Variants in PCSK5 observed in about 807,000 individuals in gnomAD.
PCSK5 encodes the protein proprotein convertase subtilisin/kexin type 5, also known as prohormone convertase 5.
A neutral mutation model predicts 233.2 loss-of-function variants in PCSK5; 129 were observed. The observed-to-expected ratio is 0.55, with a 90% CI of 0.48 to 0.64. The LOEUF is 0.64. PCSK5 is among the 30% of genes least tolerant of loss of function. The pLI, the probability that PCSK5 is intolerant of heterozygous loss-of-function variation, is 0.00. For synonymous variants in PCSK5, 825 were observed against 879.2 expected, an observed-to-expected ratio of 0.94 and a Z score of 1.09; for missense variants, 2,076 against 2,430.1, an observed-to-expected ratio of 0.85 and a Z score of 3.06.
At chr9:75,929,745 T>G (rs1823690615) in intron 1 of PCSK5, among the ~76,000 whole-genome samples, 1 of 152,032 alleles carries the variant, frequency 6.6e-6, no homozygotes, top group Non-Finnish European at 1.5e-5. Context: ...TCCACGTAGC[T>G]GGGGAGGCCC....
chr9:76,292,566 C>T (rs1828311241), intron 25 of PCSK5, among the ~76,000 whole-genome samples: 2 of 152,152 alleles, frequency 1.3e-5, no homozygotes, highest in Non-Finnish European at 2.9e-5. Context: ...TTGGGCAGAC[C>T]TTAATAATAT....
chr9:76,054,282 T>C (rs1829744199), intron 5 of PCSK5, among the ~76,000 whole-genome samples: 1 of 152,190 alleles, frequency 6.6e-6, no homozygotes, highest in South Asian at 2.1e-4. Context: ...TTACTGTACT[T>C]CATCATTCCT....
At chr9:76,039,667 T>C (rs1232235886) in intron 5 of PCSK5, among the ~76,000 whole-genome samples, 1 of 152,186 alleles carries the variant, frequency 6.6e-6, no homozygotes, top group African/African-American at 2.4e-5. Context: ...GAAAAGTTAT[T>C]GTTATGTTGT....
chr9:76,210,461 C>A (rs1825289242), intron 20 of PCSK5, among the ~76,000 whole-genome samples: 1 of 152,144 alleles, frequency 6.6e-6, no homozygotes, highest in African/African-American at 2.4e-5. Flanking sequence ...GCAACACTCT[C>A]CCCTGTAAGT....
At chr9:76,094,253 G>C (rs368091106) in intron 7 of PCSK5, among the ~76,000 whole-genome samples, 1 of 152,022 alleles carries the variant, frequency 6.6e-6, no homozygotes, top group East Asian at 1.9e-4. Context: ...CTTTTTCTTC[G>C]GCTCTTTTTC....
At chr9:76,254,654 T>C (rs1415618463) in intron 24 of PCSK5, among the ~76,000 whole-genome samples, 3 of 152,192 alleles carry the variant, frequency 2.0e-5, no homozygotes, top group Admixed American at 6.5e-5. Context: ...ACTGTGACAA[T>C]AGCAAGTGCT....
At chr9:76,159,260 C>A in intron 12 of PCSK5, 89 bp downstream of exon 12, 1 of 1,216,902 alleles carries the variant, frequency 8.2e-7, no homozygotes, top group Non-Finnish European at 1.2e-6. Flanking sequence ...CTGCTTTCAC[C>A]TAACCTGGGA....
chr9:76,205,324 G>A (rs1298469082), intron 20 of PCSK5: 17 of 502,980 alleles, frequency 3.4e-5, no homozygotes, highest in Middle Eastern at 6.5e-4. Context: ...AGAACACAGC[G>A]TGAGGAGGTG....
rs935733506 is a variant in PCSK5, at chr9:76,359,709, G to C, written c.*787G>C. On this transcript the variant is annotated 3_prime_UTR_variant, in exon 38 of 38. Transcript: ENST00000674117. ...GATTTTCTGGGTACTTTTCGCCTGG[G>C]AGACATCAGCTAAGACATCGAATAA... 3 of 152,126 alleles carry C rather than the reference G, an allele frequency of 2.0e-5. No individual in the cohort carries two copies. Among genetic ancestry groups the C allele is most frequent in the African/African-American group, 7.2e-5 (3 of 41,410 alleles). The allele number at this position is 152,126 out of a possible 1,614,324, so 9.4% of individuals were successfully genotyped here.
chr9:76,313,025 G>C (rs184130276), intron 30 of PCSK5, among the ~76,000 whole-genome samples: 8 of 151,994 alleles, frequency 5.3e-5, no homozygotes, highest in Non-Finnish European at 1.2e-4. Flanking sequence ...TGCTTGCAAC[G>C]TCCAGGTATT....
chr9:76,328,796 T>C (rs1829445744), intron 33 of PCSK5, among the ~76,000 whole-genome samples: 1 of 151,972 alleles, frequency 6.6e-6, no homozygotes, highest in Non-Finnish European at 1.5e-5. Flanking sequence ...TCATTTAGCT[T>C]CCATGTCCCT....
Position 76,240,654 on chromosome 9 carries a change from T to C in PCSK5, c.3112T>C (p.Cys1038Arg), listed in dbSNP as rs1445025112. ...QDPDYEECVP[C>R]EEGCLGCSLD... Reference sequence around the variant, plus strand: ...CCCAGACTATGAAGAATGTGTCCCTTGTGAAGAAGGATGTCTGGGATGCAG... The same window carrying C: ...CCCAGACTATGAAGAATGTGTCCCTCGTGAAGAAGGATGTCTGGGATGCAG... Residue 1038 changes from cysteine (C) to arginine (R), a missense_variant, in exon 24 of 38, where the codon TGT becomes CGT. Physicochemically the swap from Cys to Arg is radical, Grantham distance 180. Transcript: ENST00000674117. The C allele has an allele frequency of 1.3e-6, 2 of 1,582,450 alleles. No individual in the cohort carries two copies. The highest frequency in any genetic ancestry group is 1.2e-5 in the South Asian group (1 of 86,466).
At position 76,095,981 on chromosome 9, in the gene PCSK5, G is replaced by C; in HGVS notation, c.986G>C (p.Ser329Thr). The C allele has an allele frequency of 6.2e-7, 1 of 1,612,326 alleles. No homozygotes were observed. The highest frequency in any genetic ancestry group is 8.5e-7 in the Non-Finnish European group (1 of 1,179,342). The stretch of plus-strand genomic sequence containing the variant: ...TGCTCCTGTGATGGCTACACCAACA[G>C]CATCTACACCATCTCCATCAGCAGC... ...DHCSCDGYTN[S>T]IYTISISSTA... Residue 329 changes from serine to threonine, a missense_variant, in exon 8 of 38, where the codon AGC becomes ACC. Coordinates refer to ENST00000674117, the MANE Select transcript of PCSK5 (RefSeq NM_001372043.1).
Position 76,107,448 on chromosome 9 carries a change from T to G in PCSK5, c.1208+97T>G, listed in dbSNP as rs565552897. The G allele has an allele frequency of 1.3e-5, 8 of 620,548 alleles. No individual in the cohort carries two copies. In the South Asian group the frequency reaches 2.1e-4, roughly 17 times the overall value. 38.4% of individuals were successfully genotyped at this position (620,548 alleles called of 1,614,324 possible). On this transcript the variant is annotated intron_variant, in intron 9 of 37. Coordinates refer to ENST00000674117, the MANE Select transcript of PCSK5 (RefSeq NM_001372043.1). ...GTATAGGACCCCTAGCATGACAACC[T>G]AGAATATAATCTTCCCAATCCCACC... is the stretch of plus-strand genomic sequence containing the variant.
At chr9:76,154,776 G>T (rs1056914625) in intron 10 of PCSK5, among the ~76,000 whole-genome samples, 1 of 152,056 alleles carries the variant, frequency 6.6e-6, no homozygotes, top group Non-Finnish European at 1.5e-5. Context: ...TGATGACCTG[G>T]TATATAGGCT....
chr9:76,198,316 A>C (rs1824777678), intron 20 of PCSK5, among the ~76,000 whole-genome samples: 1 of 152,194 alleles, frequency 6.6e-6, no homozygotes, highest in South Asian at 2.1e-4. Context: ...AAATTCCAGA[A>C]ACGTTCCCTG....
chr9:75,930,546 A>G (rs1823739891), intron 1 of PCSK5, among the ~76,000 whole-genome samples: 1 of 152,190 alleles, frequency 6.6e-6, no homozygotes, highest in Admixed American at 6.5e-5. Flanking sequence ...TTAATTGTTG[A>G]CTGATACTAT....
chr9:76,066,196 G>A (rs1014488367), intron 5 of PCSK5, among the ~76,000 whole-genome samples: 2 of 152,120 alleles, frequency 1.3e-5, no homozygotes, highest in Non-Finnish European at 2.9e-5. Flanking sequence ...GATAGGGATT[G>A]CATTGAATCT....
At position 76,328,114 on chromosome 9, in the gene PCSK5, G is replaced by A; in HGVS notation, c.4445G>A (p.Cys1482Tyr). 1 of 1,612,652 alleles carries A rather than the reference G, an allele frequency of 6.2e-7. No homozygotes were observed. The highest frequency in any genetic ancestry group is 8.5e-7 in the Non-Finnish European group (1 of 1,179,648). Residue 1482 changes from cysteine (C) to tyrosine (Y), a missense_variant, in exon 33 of 38, where the codon TGC becomes TAC. Around this residue, in one of 6 missense-constraint regions of PCSK5, gnomAD observed 1,510 missense variants for 1,538.1 expected, o/e 0.98. Transcript: ENST00000674117. ...PRGSCMANEK[C>Y]SPSEYWDEDA... ...GGGAGCTGCATGGCCAACGAGAAGT[G>A]CTCACCCTCCGAGTACTGGGATGAG...
Sources: gnomAD v4.1 joint callset for allele counts (sites outside exome capture counted in the v4.1 genomes callset) on GRCh38, gnomAD v4.1.1 for gene constraint, gnomAD v4.1.1 regional missense constraint, MANE v1.5 for transcripts, NCBI Gene and HGNC (gene_info 2026-07-23, HGNC 2026-07-21) for gene names.